Variants in CSMD1 observed in about 807,000 individuals in gnomAD.
CSMD1 encodes the protein CUB and sushi domain-containing protein 1.
In CSMD1, 213 loss-of-function variants were observed where a neutral mutation model predicts 417.5. That is an observed-to-expected ratio of 0.51 (90% confidence interval 0.46 to 0.57). CSMD1 has a LOEUF of 0.57. Among genes scored for constraint, CSMD1 ranks in the 20% least tolerant of loss-of-function variants. The probability of loss-of-function intolerance (pLI) is 0.00; values close to 1 mark genes in which losing one functional copy is unlikely to be tolerated. For synonymous variants in CSMD1, 2,862 were observed against 1,736.8 expected (o/e 1.65, Z -16.11); for missense variants, 6,923 against 4,529.7 (o/e 1.53, Z -15.17).
chr8:3,160,652 T>C (rs973642329), intron 38 of CSMD1, among the ~76,000 whole-genome samples: 2 of 152,232 alleles, frequency 1.3e-5, no homozygotes, highest in Admixed American at 1.3e-4. Flanking sequence ...AAGTGGTAGG[T>C]TTGTTCTTAC....
intron 2 of CSMD1, among the ~76,000 whole-genome samples, chr8:4,440,473 A>T (rs1320415190): frequency 1.3e-5 from 2 of 152,224 alleles, no homozygotes; most frequent in African/African-American, 4.8e-5. Flanking sequence ...CACAAAAAAA[A>T]ATCTCAGCAA....
At position 4,400,469 on chromosome 8, in the gene CSMD1, A is replaced by T. The variant is rs137986895; in HGVS notation, c.415+19484T>A. Among the ~76,000 whole-genome samples the T allele has an allele frequency of 7.5e-4, 115 of 152,332 alleles. 1 individual carries two copies. In the East Asian group the frequency reaches 0.021, roughly 28 times the overall value. Reference sequence around the variant, plus strand: ...ACATCGAGATTCATTCATTTGCTCCACGCAAATTCTTGTGTTCAGCAACAT... The same window carrying T: ...ACATCGAGATTCATTCATTTGCTCCTCGCAAATTCTTGTGTTCAGCAACAT... On this transcript the variant is annotated intron_variant, in intron 3 of 69. Transcript: ENST00000635120.
At chr8:3,946,327 C>G (rs573990087) in intron 5 of CSMD1, among the ~76,000 whole-genome samples, 3 of 152,012 alleles carry the variant, frequency 2.0e-5, no homozygotes, top group Non-Finnish European at 4.4e-5. Flanking sequence ...ACGGAATTAC[C>G]TCACATTTTC....
At chr8:4,533,790 T>C (rs1156719108) in intron 2 of CSMD1, among the ~76,000 whole-genome samples, 2 of 151,736 alleles carry the variant, frequency 1.3e-5, no homozygotes, top group East Asian at 1.9e-4. Flanking sequence ...CACTGTAATT[T>C]TTCTGTGCTT....
intron 3 of CSMD1, among the ~76,000 whole-genome samples, chr8:4,191,981 T>A (rs1422294515): frequency 1.3e-5 from 2 of 152,106 alleles, no homozygotes; most frequent in Admixed American, 6.6e-5. Context: ...GAGGAACACG[T>A]CCCTAAGGAT....
intron 4 of CSMD1, among the ~76,000 whole-genome samples, chr8:4,003,845 C>T (rs971941852): frequency 1.2e-5 from 1 of 83,216 alleles, no homozygotes; most frequent in Non-Finnish European, 2.7e-5. Flanking sequence ...ATTATGTGAA[C>T]TATTTAATCA....
At chr8:3,960,032 C>G (rs563851745) in intron 5 of CSMD1, among the ~76,000 whole-genome samples, 60 of 152,252 alleles carry the variant, frequency 3.9e-4, no homozygotes, top group African/African-American at 1.4e-3. Flanking sequence ...TTGCAAGGAG[C>G]CTTCTGGGCA....
At chr8:4,665,350 T>C (rs1043331451) in intron 1 of CSMD1, among the ~76,000 whole-genome samples, 1 of 152,132 alleles carries the variant, frequency 6.6e-6, no homozygotes, top group Non-Finnish European at 1.5e-5. Context: ...GAAGACTAAT[T>C]TCCAAAAAGT....
At chr8:3,674,455 T>C (rs1165598624) in intron 7 of CSMD1, among the ~76,000 whole-genome samples, 1 of 152,160 alleles carries the variant, frequency 6.6e-6, no homozygotes, top group Non-Finnish European at 1.5e-5. Context: ...CTATTATCAT[T>C]ATTATTATAA....
intron 12 of CSMD1, among the ~76,000 whole-genome samples, chr8:3,444,153 T>C (rs997382585): frequency 6.6e-6 from 1 of 152,144 alleles, no homozygotes; most frequent in Non-Finnish European, 1.5e-5. Flanking sequence ...GTGATTAATA[T>C]TGTAAGTGTC....
chr8:4,307,509 A>C (rs1028168159), intron 3 of CSMD1, among the ~76,000 whole-genome samples: 4 of 152,190 alleles, frequency 2.6e-5, no homozygotes, highest in African/African-American at 9.6e-5. Context: ...CTACCCTGTT[A>C]TGTCAACCAT....
rs544457653 is a variant in CSMD1 at position 3,201,721 on chromosome 8, G to C, written c.4989C>G (p.Val1663=). The C allele has an allele frequency of 8.8e-6, 14 of 1,588,074 alleles. No individual in the cohort carries two copies. The highest frequency in any genetic ancestry group is 4.0e-5 in the African/African-American group (3 of 74,500). Residue 1663 remains valine (V), a synonymous_variant, in exon 32 of 70, where the codon GTC becomes GTG. Coordinates refer to ENST00000635120, the MANE Select transcript of CSMD1 (RefSeq NM_033225.6). ...TCTGGAAATAGGCAAACTGTCCAAA[G>C]ACCACTAAAAAATAAGAGGTGGGAT... ...YSITVPKEFV[V]FGQFAYFQTA... is the part of the protein sequence containing the mutation.
chr8:4,441,046 T>A (rs1585079242), intron 2 of CSMD1, among the ~76,000 whole-genome samples: 1 of 149,706 alleles, frequency 6.7e-6, no homozygotes, highest in African/African-American at 2.4e-5. Flanking sequence ...TCTATTATCA[T>A]TTTAAAATAT....
At chr8:3,210,840 T>C (rs1482489603) in intron 30 of CSMD1, among the ~76,000 whole-genome samples, 4 of 152,170 alleles carry the variant, frequency 2.6e-5, no homozygotes, top group South Asian at 2.1e-4. Flanking sequence ...TTGAATTTAA[T>C]ATAAATTAAA....
intron 7 of CSMD1, among the ~76,000 whole-genome samples, chr8:3,644,348 A>G (rs1209479069): frequency 6.6e-6 from 1 of 152,198 alleles, no homozygotes; most frequent in Non-Finnish European, 1.5e-5. Flanking sequence ...GCCTTGTGTC[A>G]TGTCTGGCTC....
In CSMD1 at chr8:3,701,643, T is replaced by C. The variant is rs561850178; in HGVS notation, c.1009+6771A>G. On this transcript the variant is annotated intron_variant, in intron 7 of 69. Coordinates refer to ENST00000635120, the MANE Select transcript of CSMD1 (RefSeq NM_033225.6). ...AATATTATAATTATAAGTAGATAAATACAAGTGGAAAATTATTTTCTGAAG... is the reference window on the plus strand; with the variant it reads ...AATATTATAATTATAAGTAGATAAACACAAGTGGAAAATTATTTTCTGAAG... Among the ~76,000 whole-genome samples, 11 of 152,228 alleles carry C rather than the reference T, an allele frequency of 7.2e-5. No homozygotes were observed. In the East Asian group the frequency reaches 2.1e-3, roughly 29 times the overall value.
chr8:3,401,609 T>G (rs775867382), intron 15 of CSMD1, among the ~76,000 whole-genome samples: 17 of 152,226 alleles, frequency 1.1e-4, no homozygotes, highest in Admixed American at 3.9e-4. Context: ...GCCCTGCAAC[T>G]GTAGTAGCTA....
intron 63 of CSMD1, among the ~76,000 whole-genome samples, chr8:2,956,674 T>A (rs999549648): frequency 6.6e-6 from 1 of 152,036 alleles, no homozygotes; most frequent in African/African-American, 2.4e-5. Flanking sequence ...GCCAGGATGG[T>A]CTCGATCTCC....
rs142531240 is a variant in CSMD1, at chr8:3,792,161, G to T, written c.819-38119C>A. ...GTTGAACAATTAGCCAGGTGTCATG[G>T]TGCACACGTGTAGTCCCAGCTACAG... On this transcript the variant is annotated intron_variant, in intron 5 of 69. Transcript: ENST00000635120. 9.1e-4 allele frequency among the ~76,000 whole-genome samples: 138 copies of T among 152,184 alleles called. 3 individuals carry two copies. In the East Asian group the frequency reaches 0.025, roughly 27 times the overall value.
Sources: allele counts gnomAD v4.1 joint callset (sites outside exome capture counted in the v4.1 genomes callset), GRCh38; gene constraint gnomAD v4.1.1; transcripts MANE v1.5; gene names NCBI Gene and HGNC (gene_info 2026-07-23, HGNC 2026-07-21).